The following AGMO variants were observed in gnomAD, a reference collection of about 807,000 sequenced individuals.
AGMO encodes the protein alkylglycerol monooxygenase.
A neutral mutation model predicts 60.2 loss-of-function variants in AGMO; 75 were observed. The ratio of observed to expected loss-of-function variants is 1.25; its 90% confidence interval spans 1.03 to 1.51. The LOEUF (loss-of-function observed/expected upper bound fraction) is 1.51, where lower values mean the gene tolerates loss of function less well. Among genes scored for constraint, AGMO ranks in the 40% most tolerant of loss-of-function variants. The pLI, the probability that AGMO is intolerant of heterozygous loss-of-function variation, is 0.00. For synonymous variants in AGMO, 261 were observed against 177.1 expected (o/e 1.47, Z -3.76); for missense variants, 763 against 525.5 (o/e 1.45, Z -4.42).
At chr7:15,354,482 GTA>G (rs1362239186) in intron 12 of AGMO, among the ~76,000 whole-genome samples, 11 of 14,122 alleles carry the variant, frequency 7.8e-4, no homozygotes, top group African/African-American at 1.0e-3. Context: ...ACACACGTGT[GTA>G]TATACACACG....
intron 3 of AGMO, among the ~76,000 whole-genome samples, chr7:15,538,001 A>G (rs1383739963): frequency 6.6e-6 from 1 of 152,112 alleles, no homozygotes; most frequent in Non-Finnish European, 1.5e-5. Context: ...GAAAATGGTT[A>G]ACATAGGTGC....
At chr7:15,387,300 ACATCTTTTTACAGATTTGCAT>A in intron 9 of AGMO, 85 bp downstream of exon 9, 1 of 1,296,266 alleles carries the variant, frequency 7.7e-7, no homozygotes, top group African/African-American at 1.5e-5. Context: ...GACTGGGGGA[ACATCTTTTTACAGATTTGCAT>A]GAAAACAGCG....
At chr7:15,269,215 G>A (rs1346730073) in intron 12 of AGMO, among the ~76,000 whole-genome samples, 1 of 152,056 alleles carries the variant, frequency 6.6e-6, no homozygotes, top group Non-Finnish European at 1.5e-5. Flanking sequence ...GCTGACTCCT[G>A]ATTTAGCAGC....
intron 12 of AGMO, among the ~76,000 whole-genome samples, chr7:15,348,339 G>A (rs756299519): frequency 6.6e-5 from 10 of 151,924 alleles, no homozygotes; most frequent in East Asian, 1.9e-4. Context: ...GATCCTGGCC[G>A]GAGATAAGCA....
At chr7:15,399,489 G>T (rs1374914801) in intron 5 of AGMO, among the ~76,000 whole-genome samples, 1 of 151,820 alleles carries the variant, frequency 6.6e-6, no homozygotes, top group Non-Finnish European at 1.5e-5. Context: ...CATTTTTTGG[G>T]GCACATTTTT....
At chr7:15,392,454 A>C (rs62441408) in intron 6 of AGMO, among the ~76,000 whole-genome samples, 20,965 of 151,974 alleles carry the variant, frequency 0.14, 1,480 homozygotes, top group Middle Eastern at 0.19. Context: ...TTCTTGACTT[A>C]TGGAGTGGTT....
At chr7:15,156,525 C>T in the AGMO span, among the ~76,000 whole-genome samples, 1 of 152,180 alleles carries the variant, frequency 6.6e-6, no homozygotes, top group Non-Finnish European at 1.5e-5. Flanking sequence ...CTGCCAACTC[C>T]CCAGACAGTT....
intron 12 of AGMO, among the ~76,000 whole-genome samples, chr7:15,317,149 C>T (rs1391943611): frequency 6.6e-6 from 1 of 152,122 alleles, no homozygotes; most frequent in East Asian, 1.9e-4. Context: ...CTTTCAACTT[C>T]GTAAATTCTG....
At chr7:15,122,508 A>C in the AGMO span, among the ~76,000 whole-genome samples, 3 of 152,108 alleles carry the variant, frequency 2.0e-5, no homozygotes, top group Admixed American at 1.3e-4. Context: ...TCTACCTGTT[A>C]TTCTAATAGG....
At chr7:15,326,886 A>G (rs1781353487) in intron 12 of AGMO, among the ~76,000 whole-genome samples, 1 of 152,188 alleles carries the variant, frequency 6.6e-6, no homozygotes, top group Non-Finnish European at 1.5e-5. Flanking sequence ...ATTATCTTGG[A>G]AAAGATTACC....
chr7:15,309,746 T>G lies in AGMO; in HGVS notation c.1263+55768A>C, dbSNP rs114672387. On this transcript the variant is annotated intron_variant, in intron 12 of 12. Coordinates refer to ENST00000342526, the MANE Select transcript of AGMO (RefSeq NM_001004320.2). Reference sequence around the variant, plus strand: ...TTATTATATTTATTCCTCATCATTTTAGAGAGAATACAAATAAAGCCCAGA... The same window carrying G: ...TTATTATATTTATTCCTCATCATTTGAGAGAGAATACAAATAAAGCCCAGA... 1.0e-2 allele frequency among the ~76,000 whole-genome samples: 1,516 copies of G among 152,272 alleles called. 20 individuals carry two copies. The highest frequency in any genetic ancestry group is 0.035 in the African/African-American group (1,451 of 41,556).
rs147321450 is a variant in AGMO, at chr7:15,283,608, T to C, written c.1263+81906A>G. Among the ~76,000 whole-genome samples, 863 of 151,844 alleles carry C rather than the reference T, an allele frequency of 5.7e-3. 3 individuals are homozygous for C. The highest frequency in any genetic ancestry group is 0.018 in the African/African-American group (746 of 41,488). ...AACAAATACTACTAGACCTAAAAAA[T>C]GAGATGAATAGTAATGCAATAATAA... On this transcript the variant is annotated intron_variant, in intron 12 of 12. Transcript: ENST00000342526.
chr7:15,290,758 T>C (rs1784240723), intron 12 of AGMO, among the ~76,000 whole-genome samples: 1 of 152,190 alleles, frequency 6.6e-6, no homozygotes. Flanking sequence ...AAATTGTACC[T>C]ATGTCAATAT....
rs556981357 is a variant in AGMO at position 15,488,841 on chromosome 7, T to C, written c.409+55931A>G. ...ACAATTAACCATGTGTAAATAATAA[T>C]AGAAATATAATTTTTACCAACTATT... On this transcript the variant is annotated intron_variant, in intron 3 of 12. Coordinates refer to ENST00000342526, the MANE Select transcript of AGMO (RefSeq NM_001004320.2). 3.2e-4 allele frequency among the ~76,000 whole-genome samples: 48 copies of C among 152,034 alleles called. 1 individual carries two copies. Among genetic ancestry groups the C allele is most frequent in the Non-Finnish European group, 5.9e-4 (40 of 67,970 alleles).
intron 12 of AGMO, among the ~76,000 whole-genome samples, chr7:15,354,385 T>C (rs117793010): frequency 0.25 from 2,421 of 9,566 alleles, 272 homozygotes; most frequent in South Asian, 0.31. Context: ...TGTATACACG[T>C]GTGTGTATAC....
At chr7:15,282,976 T>C (rs997353207) in intron 12 of AGMO, among the ~76,000 whole-genome samples, 1 of 152,174 alleles carries the variant, frequency 6.6e-6, no homozygotes, top group African/African-American at 2.4e-5. Context: ...AAGAATTCTG[T>C]ATTCAGCAAA....
intron 3 of AGMO, among the ~76,000 whole-genome samples, chr7:15,475,727 T>C (rs1015309098): frequency 6.6e-6 from 1 of 152,028 alleles, no homozygotes; most frequent in Non-Finnish European, 1.5e-5. Context: ...ATTTATTAAA[T>C]GTAAATCTTG....
chr7:15,426,692 T>C (rs1781073144), intron 4 of AGMO, among the ~76,000 whole-genome samples: 1 of 151,860 alleles, frequency 6.6e-6, no homozygotes, highest in South Asian at 2.1e-4. Flanking sequence ...GAGGTTGCAG[T>C]GGGCTGAGAC....
At chr7:15,248,537 A>G (rs1193939183) in intron 12 of AGMO, among the ~76,000 whole-genome samples, 1 of 152,100 alleles carries the variant, frequency 6.6e-6, no homozygotes, top group Non-Finnish European at 1.5e-5. Context: ...GTGGTGACTT[A>G]TGAGTCTTTT....
Sources: gnomAD v4.1 joint callset for allele counts (sites outside exome capture counted in the v4.1 genomes callset) on GRCh38, gnomAD v4.1.1 for gene constraint, MANE v1.5 for transcripts, NCBI Gene and HGNC (gene_info 2026-07-23, HGNC 2026-07-21) for gene names.